The following HDGFL3 variants were observed in gnomAD, a reference collection of about 807,000 sequenced individuals.
HDGFL3 encodes HDGF like 3.
A neutral mutation model predicts 27.6 loss-of-function variants in HDGFL3; 6 were observed. That is an observed-to-expected ratio of 0.22 (90% CI 0.12 to 0.43). The LOEUF (loss-of-function observed/expected upper bound fraction) is 0.43, where lower values mean the gene tolerates loss of function less well. Among genes scored for constraint, HDGFL3 ranks in the 20% least tolerant of loss-of-function variants. The pLI is 1.00. For synonymous variants in HDGFL3, 88 were observed against 88.9 expected, an observed-to-expected ratio of 0.99 and a Z score of 0.05; for missense variants, 207 against 250.1, an observed-to-expected ratio of 0.83 and a Z score of 1.16.
chr15:83,198,474 CAT>C (rs1351346119), intron 1 of HDGFL3, among the ~76,000 whole-genome samples: 10 of 152,230 alleles, frequency 6.6e-5, no homozygotes, highest in Middle Eastern at 6.8e-3. Context: ...GAATGTATCA[CAT>C]ATAGTAAGTA....
At chr15:83,144,498 A>C (rs1567165769) in intron 5 of HDGFL3, 1 of 455,868 alleles carries the variant, frequency 2.2e-6, no homozygotes, top group Non-Finnish European at 4.4e-6. Context: ...TCTTACTGAC[A>C]CTTTACTGCT....
Position 83,133,908 on chromosome 15 carries a change from G to C in HDGFL3, c.*5362C>G, listed in dbSNP as rs1434082303. 1 of 152,250 alleles carries C rather than the reference G, an allele frequency of 6.6e-6. No individual in the cohort carries two copies. The highest frequency in any genetic ancestry group is 1.5e-5 in the Non-Finnish European group (1 of 68,088). The allele number at this position is 152,250 out of a possible 1,614,324, so 9.4% of individuals were successfully genotyped here. A position where few individuals can be genotyped will look rare whatever the true frequency, so the allele number is the denominator to read the frequency against. ...TCAGCTGGAAGTGTGGCCACCATAA[G>C]TACATCCATTAGGACTATGAGCAGT... On this transcript the variant is annotated 3_prime_UTR_variant, in exon 6 of 6. Transcript: ENST00000299633.
exon 4 of HDGFL3, chr15:83,112,891 C>G (rs1182194969): frequency 6.2e-7 from 1 of 1,613,044 alleles, no homozygotes; most frequent in African/African-American, 1.3e-5. Context: ...CCGGGACCCA[C>G]TGTTCTATGG....
intron 1 of HDGFL3, among the ~76,000 whole-genome samples, chr15:83,203,643 CAAG>C (rs2037679376): frequency 1.3e-5 from 2 of 152,024 alleles, no homozygotes; most frequent in South Asian, 4.2e-4. Flanking sequence ...TCAAATCTCA[CAAG>C]AAGCAGGCAG....
At chr15:83,192,634 T>A (rs768048596) in intron 1 of HDGFL3, among the ~76,000 whole-genome samples, 3 of 152,168 alleles carry the variant, frequency 2.0e-5, no homozygotes, top group Non-Finnish European at 2.9e-5. Context: ...TCAGAAATAA[T>A]CTCCTTCAGT....
At chr15:83,201,428 T>C (rs1203063321) in intron 1 of HDGFL3, among the ~76,000 whole-genome samples, 1 of 152,204 alleles carries the variant, frequency 6.6e-6, no homozygotes, top group African/African-American at 2.4e-5. Context: ...AACACCTTTT[T>C]GTAGTGGATG....
At chr15:83,114,733 T>C (rs960808820) in exon 4 of HDGFL3, 2 of 152,302 alleles carry the variant, frequency 1.3e-5, no homozygotes, top group Non-Finnish European at 2.9e-5. Context: ...CTTCTGTCCA[T>C]GTCCATCCCA....
At chr15:83,198,111 T>G (rs2037595761) in intron 1 of HDGFL3, among the ~76,000 whole-genome samples, 1 of 150,754 alleles carries the variant, frequency 6.6e-6, no homozygotes, top group Admixed American at 6.6e-5. Context: ...GTTGATACAT[T>G]TGCAGTTGAA....
chr15:83,141,728 T>A (rs944240875), intron 5 of HDGFL3, among the ~76,000 whole-genome samples: 1 of 152,162 alleles, frequency 6.6e-6, no homozygotes, highest in African/African-American at 2.4e-5. Context: ...GGGTTACAGG[T>A]GTGAGCCACC....
chr15:83,139,284 A>G lies in HDGFL3; in HGVS notation c.607-9T>C. 1.4e-6 allele frequency: 2 copies of G among 1,436,342 alleles called. No homozygotes were observed. 89.0% of individuals were successfully genotyped at this position (1,436,342 alleles called of 1,614,324 possible). A position where few individuals can be genotyped will look rare whatever the true frequency, so the allele number is the denominator to read the frequency against. On this transcript the variant is annotated splice_polypyrimidine_tract_variant and intron_variant, in intron 5 of 5. Transcript: ENST00000299633. ...CATTATGGTAGTTAGGTCTGTAAAA[A>G]AAAAAAAAAGAAAGAAAACAAGCCT... is the stretch of plus-strand genomic sequence containing the variant.
In HDGFL3 at chr15:83,137,322, C is replaced by T. The variant is rs1013407197; in HGVS notation, c.*1948G>A. The T allele has an allele frequency of 6.6e-6, 1 of 152,004 alleles. No homozygotes were observed. Among genetic ancestry groups the T allele is most frequent in the Non-Finnish European group, 1.5e-5 (1 of 67,966 alleles). 9.4% of individuals were successfully genotyped at this position (152,004 alleles called of 1,614,324 possible). A position where few individuals can be genotyped will look rare whatever the true frequency, so the allele number is the denominator to read the frequency against. ...GGCTGGAAATATTTCTATTGTATTT[C>T]TGTGTATATTTTTAATAAAATTATT... On this transcript the variant is annotated 3_prime_UTR_variant, in exon 6 of 6. Transcript: ENST00000299633.
intron 1 of HDGFL3, among the ~76,000 whole-genome samples, chr15:83,177,536 C>G (rs1024493808): frequency 6.6e-6 from 1 of 152,100 alleles, no homozygotes; most frequent in Non-Finnish European, 1.5e-5. Context: ...ATTTCAACAG[C>G]AATTATGTTC....
chr15:83,182,362 A>G (rs1372425513), intron 1 of HDGFL3, among the ~76,000 whole-genome samples: 1 of 152,244 alleles, frequency 6.6e-6, no homozygotes, highest in Non-Finnish European at 1.5e-5. Flanking sequence ...ATGTCCACAC[A>G]AAGATTTGTA....
intron 1 of HDGFL3, among the ~76,000 whole-genome samples, chr15:83,172,332 G>A (rs1289364574): frequency 6.6e-6 from 1 of 152,074 alleles, no homozygotes; most frequent in Non-Finnish European, 1.5e-5. Context: ...CCAGCACTGT[G>A]AAGAAATAAA....
intron 5 of HDGFL3, among the ~76,000 whole-genome samples, chr15:83,150,390 T>C (rs1596548389): frequency 1.3e-5 from 2 of 152,092 alleles, no homozygotes; most frequent in East Asian, 3.9e-4. Flanking sequence ...AGGATGAAGA[T>C]AAGCAGAGGA....
intron 2 of HDGFL3, among the ~76,000 whole-genome samples, chr15:83,162,645 C>T (rs2037115695): frequency 6.6e-6 from 1 of 152,086 alleles, no homozygotes; most frequent in African/African-American, 2.4e-5. Flanking sequence ...AATAAAACTT[C>T]CTGAGAGAAA....
At position 83,130,532 on chromosome 15, in the gene HDGFL3, A is replaced by G. The variant is rs1596524306; in HGVS notation, c.*8738T>C. 1 of 152,266 alleles carries G rather than the reference A, an allele frequency of 6.6e-6. No individual in the cohort carries two copies. Among genetic ancestry groups the G allele is most frequent in the Admixed American group, 6.5e-5 (1 of 15,280 alleles). 9.4% of individuals were successfully genotyped at this position (152,266 alleles called of 1,614,324 possible). On this transcript the variant is annotated 3_prime_UTR_variant, in exon 6 of 6. Transcript: ENST00000299633. ...CCTAAGGCTAAGGACCAGATCCTGT[A>G]AATGTCAGAAGGATGTTTCTCCCAG... is the stretch of plus-strand genomic sequence containing the variant.
chr15:83,114,672 C>G (rs967393539), exon 4 of HDGFL3: 21 of 152,496 alleles, frequency 1.4e-4, no homozygotes, highest in African/African-American at 5.1e-4. Flanking sequence ...TCCCCACACT[C>G]CTCTCCATTT....
At chr15:83,142,765 C>G (rs1362764412) in intron 5 of HDGFL3, among the ~76,000 whole-genome samples, 1 of 151,790 alleles carries the variant, frequency 6.6e-6, no homozygotes, top group African/African-American at 2.4e-5. Context: ...TTACATATTA[C>G]AATAAAGAGA....
Sources: allele counts gnomAD v4.1 joint callset (sites outside exome capture counted in the v4.1 genomes callset), GRCh38; gene constraint gnomAD v4.1.1; transcripts MANE v1.5; gene names NCBI Gene and HGNC (gene_info 2026-07-23, HGNC 2026-07-21).